AGBL1: variants seen among roughly 807,000 people sequenced by gnomAD.
The protein encoded by AGBL1 is AGBL carboxypeptidase 1.
In AGBL1, 130 loss-of-function variants were observed where a neutral mutation model predicts 118.9. That is an observed-to-expected ratio of 1.09 (90% confidence interval 0.95 to 1.26). The LOEUF is 1.26. Among genes scored for constraint, AGBL1 ranks in the 50% most tolerant of loss-of-function variants. The pLI, the probability that AGBL1 is intolerant of heterozygous loss-of-function variation, is 0.00. For missense variants in AGBL1, 1,584 were observed against 1,298.1 expected (o/e 1.22, Z -3.38); for synonymous variants, 555 against 478.9 (o/e 1.16, Z -2.08).
At chr15:86,625,400 T>TTTTTTTTTTTTTC (rs2084872144) in intron 21 of AGBL1, among the ~76,000 whole-genome samples, 1 of 130,184 alleles carries the variant, frequency 7.7e-6, no homozygotes, top group Non-Finnish European at 1.6e-5. Flanking sequence ...TTTTTTTTTT[T>TTTTTTTTTTTTTC]ACAAACACAG....
rs535250376 is a variant in AGBL1 at position 86,558,836 on chromosome 15, A to T, written c.2994+4299A>T. Among the ~76,000 whole-genome samples the T allele has an allele frequency of 8.5e-5, 13 of 152,316 alleles. No homozygotes were observed. The East Asian group carries it at 2.5e-3, about 29-fold the overall frequency. On this transcript the variant is annotated intron_variant, in intron 21 of 22. Coordinates refer to ENST00000614907, the MANE Select transcript of AGBL1 (RefSeq NM_001386094.1). ...AGATCAGAGCAGGGTTTCTTGCAGTAGCCCAGACTGTAGGCTGACTGTATT... is the reference window on the plus strand; with the variant it reads ...AGATCAGAGCAGGGTTTCTTGCAGTTGCCCAGACTGTAGGCTGACTGTATT...
At chr15:86,525,900 G>A (rs966427912) in intron 19 of AGBL1, among the ~76,000 whole-genome samples, 2 of 152,014 alleles carry the variant, frequency 1.3e-5, no homozygotes, top group African/African-American at 4.8e-5. Flanking sequence ...CTTTTGCATG[G>A]CAAAAGAAAT....
At chr15:86,261,528 T>C (rs1396206388) in intron 9 of AGBL1, among the ~76,000 whole-genome samples, 1 of 152,220 alleles carries the variant, frequency 6.6e-6, no homozygotes, top group African/African-American at 2.4e-5. Context: ...AATACAAACA[T>C]TTATTTTCCA....
At chr15:86,985,009 C>A (rs2081267382) in intron 23 of AGBL1, among the ~76,000 whole-genome samples, 2 of 152,220 alleles carry the variant, frequency 1.3e-5, no homozygotes, top group South Asian at 4.1e-4. Context: ...TTTTTGACTT[C>A]TTTTACTCAG....
intron 1 of AGBL1, among the ~76,000 whole-genome samples, chr15:86,097,344 A>G (rs574935678): frequency 2.0e-5 from 3 of 152,228 alleles, no homozygotes; most frequent in Admixed American, 6.5e-5. Context: ...TTCTAGCTCT[A>G]TTTAAATATA....
At chr15:86,985,448 A>T (rs1417055217) in intron 23 of AGBL1, among the ~76,000 whole-genome samples, 1 of 152,204 alleles carries the variant, frequency 6.6e-6, no homozygotes, top group African/African-American at 2.4e-5. Context: ...ATGCAGTGAC[A>T]TCGTATTATG....
chr15:86,817,666 CAGAA>C (rs1393600736), intron 22 of AGBL1, among the ~76,000 whole-genome samples: 3 of 150,416 alleles, frequency 2.0e-5, no homozygotes, highest in Admixed American at 6.6e-5. Context: ...CACACACACA[CAGAA>C]AGAGACAGGA....
intron 1 of AGBL1, among the ~76,000 whole-genome samples, chr15:86,116,041 A>G (rs62012432): frequency 0.2 from 31,005 of 152,058 alleles, 3,308 homozygotes; most frequent in Middle Eastern, 0.27. Context: ...TAAATAATTG[A>G]GAACAATAAT....
At chr15:86,923,828 A>C (rs1033382829) in intron 23 of AGBL1, among the ~76,000 whole-genome samples, 3 of 152,232 alleles carry the variant, frequency 2.0e-5, no homozygotes, top group Admixed American at 2.0e-4. Flanking sequence ...GGATTAACAA[A>C]GTTTAAAAAC....
intron 22 of AGBL1, among the ~76,000 whole-genome samples, chr15:86,732,351 C>T (rs888686448): frequency 2.6e-5 from 4 of 152,172 alleles, no homozygotes; most frequent in African/African-American, 9.7e-5. Flanking sequence ...TCCACCACAG[C>T]TGGAAATTGA....
intron 23 of AGBL1, among the ~76,000 whole-genome samples, chr15:86,975,339 ATT>A (rs2081164231): frequency 1.3e-5 from 2 of 152,054 alleles, no homozygotes; most frequent in Admixed American, 6.6e-5. Context: ...GTGCAGGGAA[ATT>A]CCCCTTTATA....
At chr15:86,201,576 G>A (rs1271527377) in intron 5 of AGBL1, among the ~76,000 whole-genome samples, 2 of 152,170 alleles carry the variant, frequency 1.3e-5, no homozygotes, top group Non-Finnish European at 2.9e-5. Context: ...AGTCTATGAT[G>A]TTGTTTTCAC....
chr15:87,014,826 T>TAAAG lies in AGBL1; in HGVS notation c.3324-13995_3324-13992dup, dbSNP rs931714792. On this transcript the variant is annotated intron_variant, in intron 24 of 24. Transcript: ENST00000441037. ...ACTTGCCCTCCATTAGAAGATTGCTTAAAGAAACTCCTTTCTGTAGCCATG... is the reference window on the plus strand; with the variant it reads ...ACTTGCCCTCCATTAGAAGATTGCTTAAAGAAAGAAACTCCTTTCTGTAGCCATG... Among the ~76,000 whole-genome samples, 7 of 152,146 alleles carry TAAAG rather than the reference T, an allele frequency of 4.6e-5. No homozygotes were observed. In the South Asian group the frequency reaches 6.2e-4, roughly 14 times the overall value.
At position 86,790,200 on chromosome 15, in the gene AGBL1, G is replaced by C. The variant is rs72750031; in HGVS notation, c.3158+115764G>C. Among the ~76,000 whole-genome samples the C allele has an allele frequency of 9.1e-3, 1,386 of 152,152 alleles. 15 individuals are homozygous for C. The highest frequency in any genetic ancestry group is 0.017 in the Admixed American group (261 of 15,280). ...AAACTTCAGGTGAGGAAAGTACTGTGTTTCTCCAGAAAAAAGACATTCTAG... is the reference window on the plus strand; with the variant it reads ...AAACTTCAGGTGAGGAAAGTACTGTCTTTCTCCAGAAAAAAGACATTCTAG... On this transcript the variant is annotated intron_variant, in intron 22 of 22. Transcript: ENST00000614907.
Position 86,271,620 on chromosome 15 carries a change from G to A in AGBL1, c.1989G>A (p.Gly663=). 1 of 1,608,942 alleles carries A rather than the reference G, an allele frequency of 6.2e-7. No individual in the cohort carries two copies. The highest frequency in any genetic ancestry group is 8.5e-7 in the Non-Finnish European group (1 of 1,175,432). The part of the protein sequence containing the change: ...CEKPNSQFNY[G]MQPTLYSVKE... ...TAATTCCTTTCTGATTTTGTGTAGG[G>A]ATGCAGCCCACCCTATATTCTGTGA... Residue 663 remains glycine, a splice_region_variant and synonymous_variant, in exon 15 of 23, where the codon GGG becomes GGA. Coordinates refer to ENST00000614907, the MANE Select transcript of AGBL1 (RefSeq NM_001386094.1).
intron 1 of AGBL1, among the ~76,000 whole-genome samples, chr15:86,090,914 A>C (rs570446498): frequency 1.3e-5 from 2 of 152,156 alleles, no homozygotes; most frequent in Non-Finnish European, 2.9e-5. Flanking sequence ...ATGGCTTTAA[A>C]ATTTCTTTTA....
intron 23 of AGBL1, among the ~76,000 whole-genome samples, chr15:86,929,604 G>C (rs772091913): frequency 1.3e-5 from 2 of 152,196 alleles, no homozygotes; most frequent in Non-Finnish European, 2.9e-5. Context: ...AATTATGAAA[G>C]AGCAGTGCCC....
At chr15:86,871,480 C>T (rs991851265) in intron 22 of AGBL1, among the ~76,000 whole-genome samples, 2 of 152,154 alleles carry the variant, frequency 1.3e-5, no homozygotes, top group Non-Finnish European at 2.9e-5. Context: ...CCCTCATTCT[C>T]CCTTCCCACA....
chr15:86,902,661 T>C (rs566998390), intron 22 of AGBL1, among the ~76,000 whole-genome samples: 3 of 152,296 alleles, frequency 2.0e-5, no homozygotes, highest in Admixed American at 6.5e-5. Flanking sequence ...TCTGGAAGGA[T>C]ATCTTTGCTA....
Sources: allele counts gnomAD v4.1 joint callset (sites outside exome capture counted in the v4.1 genomes callset), GRCh38; gene constraint gnomAD v4.1.1; transcripts MANE v1.5; gene names NCBI Gene and HGNC (gene_info 2026-07-23, HGNC 2026-07-21).